LSAMP: variants seen among roughly 807,000 people sequenced by gnomAD.
LSAMP encodes the protein limbic system associated membrane protein, also known as limbic system-associated membrane protein.
LSAMP carries 7 observed loss-of-function variants against 38.6 expected under a neutral mutation model. The ratio of observed to expected loss-of-function variants is 0.18; its 90% CI spans 0.10 to 0.34. The LOEUF (loss-of-function observed/expected upper bound fraction) is 0.34, where lower values mean the gene tolerates loss of function less well. Among genes scored for constraint, LSAMP ranks in the 10% least tolerant of loss-of-function variants. The pLI is 1.00. For missense variants in LSAMP, 313 were observed against 420.0 expected, an observed-to-expected ratio of 0.75 and a Z score of 2.23; for synonymous variants, 154 against 166.8, an observed-to-expected ratio of 0.92 and a Z score of 0.59.
intron 1 of LSAMP, among the ~76,000 whole-genome samples, chr3:116,305,558 A>G (rs2047471164): frequency 6.6e-6 from 1 of 151,952 alleles, no homozygotes; most frequent in African/African-American, 2.4e-5. Context: ...AAAAAAAAAT[A>G]CAGAAAGTAT....
At chr3:116,166,796 T>G (rs1460959307) in intron 1 of LSAMP, among the ~76,000 whole-genome samples, 2 of 145,866 alleles carry the variant, frequency 1.4e-5, no homozygotes, top group African/African-American at 2.5e-5. Flanking sequence ...TGTTTTTTTT[T>G]TTTTTTTTGA....
chr3:115,910,692 C>A (rs775705790), intron 3 of LSAMP, among the ~76,000 whole-genome samples: 6 of 152,202 alleles, frequency 3.9e-5, no homozygotes, highest in Non-Finnish European at 8.8e-5. Flanking sequence ...CACCACTTCT[C>A]TCCTGTCCTC....
At chr3:116,371,050 A>T (rs775363759) in intron 1 of LSAMP, among the ~76,000 whole-genome samples, 36 of 152,212 alleles carry the variant, frequency 2.4e-4, no homozygotes, top group Non-Finnish European at 4.3e-4. Flanking sequence ...CAGTAAAGAG[A>T]TTGGATCATA....
intron 1 of LSAMP, among the ~76,000 whole-genome samples, chr3:116,091,530 G>A (rs951669354): frequency 6.6e-6 from 1 of 152,160 alleles, no homozygotes; most frequent in Non-Finnish European, 1.5e-5. Context: ...ACAGGCATAA[G>A]AAATTACAAA....
At chr3:115,851,481 C>A (rs2107521570) in intron 4 of LSAMP, among the ~76,000 whole-genome samples, 1 of 152,228 alleles carries the variant, frequency 6.6e-6, no homozygotes, top group East Asian at 1.9e-4. Context: ...TCAATTATAT[C>A]TACCTTGCTG....
At chr3:116,198,858 A>T (rs1431696540) in intron 1 of LSAMP, among the ~76,000 whole-genome samples, 1 of 151,856 alleles carries the variant, frequency 6.6e-6, no homozygotes, top group African/African-American at 2.4e-5. Context: ...CAGGAGGGTC[A>T]CTTGAGCTCC....
At chr3:116,292,899 T>C (rs775253879) in intron 1 of LSAMP, among the ~76,000 whole-genome samples, 1 of 152,156 alleles carries the variant, frequency 6.6e-6, no homozygotes, top group Non-Finnish European at 1.5e-5. Context: ...CCAAAGACTA[T>C]CCCATTAACC....
intron 3 of LSAMP, among the ~76,000 whole-genome samples, chr3:115,906,504 T>C (rs1375064084): frequency 2.0e-5 from 3 of 152,108 alleles, no homozygotes; most frequent in Non-Finnish European, 2.9e-5. Context: ...AGACTAGACT[T>C]CGAAGAGAAG....
intron 6 of LSAMP, among the ~76,000 whole-genome samples, chr3:115,829,610 G>A (rs1007446813): frequency 6.6e-6 from 1 of 152,264 alleles, no homozygotes; most frequent in South Asian, 2.1e-4. Context: ...TAGGCTGATG[G>A]GTTGGCAGTC....
At chr3:116,060,545 G>T (rs562451214) in intron 2 of LSAMP, among the ~76,000 whole-genome samples, 43 of 152,342 alleles carry the variant, frequency 2.8e-4, no homozygotes, top group African/African-American at 9.9e-4. Flanking sequence ...TGGATCATCT[G>T]AGGTCGGGAG....
chr3:116,210,583 G>C (rs1045316273), intron 1 of LSAMP, among the ~76,000 whole-genome samples: 2 of 152,122 alleles, frequency 1.3e-5, no homozygotes, highest in East Asian at 1.9e-4. Flanking sequence ...TTTGGGACTC[G>C]GACTGGCTTC....
intron 1 of LSAMP, among the ~76,000 whole-genome samples, chr3:116,355,768 T>C (rs2048214771): frequency 1.3e-5 from 2 of 152,072 alleles, no homozygotes; most frequent in African/African-American, 4.8e-5. Context: ...GGGCAAAAGA[T>C]CTGAATGGAC....
intron 3 of LSAMP, among the ~76,000 whole-genome samples, chr3:115,934,863 G>A (rs1461546495): frequency 1.2e-4 from 19 of 152,104 alleles, no homozygotes; most frequent in Non-Finnish European, 4.4e-5. Context: ...GAAATGTTAT[G>A]TATCTTCCCT....
intron 1 of LSAMP, among the ~76,000 whole-genome samples, chr3:116,111,596 G>A (rs1345420069): frequency 6.6e-6 from 1 of 150,584 alleles, no homozygotes; most frequent in Non-Finnish European, 1.5e-5. Context: ...CACCTTAGTA[G>A]TCTTTTTTTC....
At chr3:116,286,519 A>T (rs1576483315) in intron 1 of LSAMP, among the ~76,000 whole-genome samples, 1 of 152,166 alleles carries the variant, frequency 6.6e-6, no homozygotes, top group Non-Finnish European at 1.5e-5. Context: ...GTTCTCTTTC[A>T]GGCTCATGTC....
At chr3:116,061,301 A>G (rs1372803557) in intron 2 of LSAMP, among the ~76,000 whole-genome samples, 1 of 152,184 alleles carries the variant, frequency 6.6e-6, no homozygotes, top group African/African-American at 2.4e-5. Context: ...ACTGTCCATA[A>G]TTCACTTAAT....
chr3:116,069,560 A>G (rs1014340229), intron 2 of LSAMP, among the ~76,000 whole-genome samples: 16 of 56,022 alleles, frequency 2.9e-4, no homozygotes, highest in African/African-American at 9.4e-4. Context: ...CTTTCCTCAG[A>G]AAAAAAAAAA....
intron 1 of LSAMP, among the ~76,000 whole-genome samples, chr3:116,092,777 C>T (rs1314051266): frequency 6.6e-6 from 1 of 152,084 alleles, no homozygotes; most frequent in Admixed American, 6.6e-5. Flanking sequence ...AAAAGAAATG[C>T]TAAAATCAGT....
At chr3:116,218,684 G>C (rs559221535) in intron 1 of LSAMP, among the ~76,000 whole-genome samples, 6 of 152,254 alleles carry the variant, frequency 3.9e-5, no homozygotes, top group Non-Finnish European at 8.8e-5. Flanking sequence ...ATGGAGTTCA[G>C]TGGCTATTCA....
Sources: allele counts gnomAD v4.1 joint callset (sites outside exome capture counted in the v4.1 genomes callset), GRCh38; gene constraint gnomAD v4.1.1; transcripts MANE v1.5; gene names NCBI Gene and HGNC (gene_info 2026-07-23, HGNC 2026-07-21).